Variants in ZNRF2 observed in about 807,000 individuals in gnomAD.
The protein encoded by ZNRF2 is E3 ubiquitin-protein ligase ZNRF2.
ZNRF2 carries 16 observed loss-of-function variants against 20.4 expected under a neutral mutation model. The ratio of observed to expected loss-of-function variants is 0.79; its 90% CI spans 0.53 to 1.19. ZNRF2 has a LOEUF of 1.19. Among genes scored for constraint, ZNRF2 ranks in the 50% most tolerant of loss-of-function variants. The probability of loss-of-function intolerance (pLI) is 0.00; values close to 1 mark genes in which losing one functional copy is unlikely to be tolerated. For synonymous variants in ZNRF2, 178 were observed against 144.9 expected, an observed-to-expected ratio of 1.23 and a Z score of -1.64; for missense variants, 363 against 332.4, an observed-to-expected ratio of 1.09 and a Z score of -0.72.
At position 30,285,347 on chromosome 7, in the gene ZNRF2, G is replaced by T. The variant is rs763204195; in HGVS notation, c.-11G>T. On this transcript the variant is annotated 5_prime_UTR_variant, in exon 1 of 5. Transcript: ENST00000323037. ...GCGCAGCGCGCGGGCCCGGCCCGGG[G>T]CAGGGCGGACATGGGCGCCAAACAG... 1 of 1,147,060 alleles carries T rather than the reference G, an allele frequency of 8.7e-7. No individual in the cohort carries two copies. The highest frequency in any genetic ancestry group is 2.4e-5 in the South Asian group (1 of 41,824). The allele number at this position is 1,147,060 out of a possible 1,614,324, so 71.1% of individuals were successfully genotyped here.
intron 1 of ZNRF2, among the ~76,000 whole-genome samples, chr7:30,322,397 CAT>C (rs1195073769): frequency 6.6e-6 from 1 of 152,164 alleles, no homozygotes; most frequent in Non-Finnish European, 1.5e-5. Context: ...TGTGAGAACA[CAT>C]GTGTTGGAAC....
intron 2 of ZNRF2, among the ~76,000 whole-genome samples, chr7:30,340,207 ACTTC>A (rs993306805): frequency 2.3e-4 from 35 of 152,112 alleles, no homozygotes; most frequent in African/African-American, 8.2e-4. Context: ...AGACAATTTG[ACTTC>A]CTCTCTCCCT....
In ZNRF2 at chr7:30,298,556, C is replaced by A. The variant is rs376334273; in HGVS notation, c.469+12730C>A. Among the ~76,000 whole-genome samples, 9 of 152,288 alleles carry A rather than the reference C, an allele frequency of 5.9e-5. No homozygotes were observed. In the East Asian group the frequency reaches 1.5e-3, roughly 26 times the overall value. ...ATACACAATCGTTTATGCTAGTGAT[C>A]TAGGAGCAGAGTGAGAAGAAGATTG... On this transcript the variant is annotated intron_variant, in intron 1 of 4. Coordinates refer to ENST00000323037, the MANE Select transcript of ZNRF2 (RefSeq NM_147128.4).
intron 2 of ZNRF2, among the ~76,000 whole-genome samples, chr7:30,354,266 G>A (rs1006016809): frequency 2.0e-5 from 3 of 152,128 alleles, no homozygotes; most frequent in African/African-American, 7.2e-5. Context: ...GTTTCTGACT[G>A]TAATATATTA....
intron 1 of ZNRF2, among the ~76,000 whole-genome samples, chr7:30,307,326 GTTT>G (rs78007797): frequency 0.067 from 2,947 of 43,722 alleles, 146 homozygotes; most frequent in African/African-American, 0.17. Flanking sequence ...GTTTTTTTTT[GTTT>G]TTTTTTTTTT....
At chr7:30,295,765 A>C (rs2128056327) in intron 1 of ZNRF2, among the ~76,000 whole-genome samples, 1 of 152,316 alleles carries the variant, frequency 6.6e-6, no homozygotes, top group Admixed American at 6.5e-5. Flanking sequence ...TAGTCCACAT[A>C]CTTCATATCT....
At chr7:30,295,628 T>C (rs966602914) in intron 1 of ZNRF2, among the ~76,000 whole-genome samples, 2 of 152,198 alleles carry the variant, frequency 1.3e-5, no homozygotes, top group Non-Finnish European at 2.9e-5. Flanking sequence ...GAGGATCGCT[T>C]GAACCCAGGA....
At chr7:30,330,909 T>G (rs559453118) in intron 2 of ZNRF2, among the ~76,000 whole-genome samples, 1 of 152,324 alleles carries the variant, frequency 6.6e-6, no homozygotes, top group South Asian at 2.1e-4. Context: ...TTCATTTATG[T>G]ACATTGGTGG....
At chr7:30,317,573 A>G (rs1257522412) in intron 1 of ZNRF2, among the ~76,000 whole-genome samples, 1 of 152,220 alleles carries the variant, frequency 6.6e-6, no homozygotes. Flanking sequence ...GCAACACCAA[A>G]TTTGTATTAG....
At position 30,285,046 on chromosome 7, in the gene ZNRF2, G is replaced by C; in HGVS notation, c.-312G>C. 1 of 406,742 alleles carries C rather than the reference G, an allele frequency of 2.5e-6. No individual in the cohort carries two copies. The highest frequency in any genetic ancestry group is 1.7e-5 in the South Asian group (1 of 59,956). 25.2% of individuals were successfully genotyped at this position (406,742 alleles called of 1,614,324 possible). On this transcript the variant is annotated 5_prime_UTR_variant, in exon 1 of 5. Transcript: ENST00000323037. ...GTGGCGCACCAGAACCGAAACCAGC[G>C]GCAGCCGCACGGCCACTTGAGCCGC...
chr7:30,337,283 T>C (rs952789912), intron 2 of ZNRF2, among the ~76,000 whole-genome samples: 3 of 152,200 alleles, frequency 2.0e-5, no homozygotes, highest in Non-Finnish European at 4.4e-5. Flanking sequence ...TTTTTTCTTA[T>C]GCTTGTTAGT....
intron 1 of ZNRF2, among the ~76,000 whole-genome samples, chr7:30,322,348 G>T (rs1021113852): frequency 7.2e-5 from 11 of 152,204 alleles, no homozygotes; most frequent in African/African-American, 2.4e-4. Context: ...TCATTTGGTT[G>T]CAGTGAGTTT....
intron 1 of ZNRF2, among the ~76,000 whole-genome samples, chr7:30,291,346 C>T (rs13311047): frequency 1.0e-3 from 154 of 152,308 alleles, no homozygotes; most frequent in African/African-American, 3.5e-3. Flanking sequence ...ACAATTAACA[C>T]TCGTAGTTTA....
At chr7:30,359,103 C>G (rs182226491) in intron 3 of ZNRF2, among the ~76,000 whole-genome samples, 1 of 152,162 alleles carries the variant, frequency 6.6e-6, no homozygotes, top group Admixed American at 6.5e-5. Flanking sequence ...ACAGTTGAGT[C>G]CTTATCTTGC....
intron 2 of ZNRF2, among the ~76,000 whole-genome samples, chr7:30,349,607 A>G (rs1297479566): frequency 6.6e-6 from 1 of 152,092 alleles, no homozygotes; most frequent in African/African-American, 2.4e-5. Context: ...ATTGCTACGT[A>G]TTACCCAGAT....
At position 30,293,958 on chromosome 7, in the gene ZNRF2, AAAG is replaced by A. The variant is rs200591943; in HGVS notation, c.469+8138_469+8140del. 2.4e-4 allele frequency among the ~76,000 whole-genome samples: 36 copies of A among 151,876 alleles called. No homozygotes were observed. The Middle Eastern group carries it at 0.01, about 43-fold the overall frequency. On this transcript the variant is annotated intron_variant, in intron 1 of 4. Coordinates refer to ENST00000323037, the MANE Select transcript of ZNRF2 (RefSeq NM_147128.4). ...CTATTTATATGTGAGCTGAGGAAAA[AAAG>A]AAGAATGAAGCCATGCATACATAAT...
chr7:30,290,447 A>G (rs1255504886), intron 1 of ZNRF2, among the ~76,000 whole-genome samples: 1 of 152,208 alleles, frequency 6.6e-6, no homozygotes, highest in African/African-American at 2.4e-5. Flanking sequence ...TAGTGACTCA[A>G]CTGGGGAAAG....
intron 2 of ZNRF2, among the ~76,000 whole-genome samples, chr7:30,353,312 T>C (rs2127955678): frequency 6.6e-6 from 1 of 152,250 alleles, no homozygotes; most frequent in African/African-American, 2.4e-5. Flanking sequence ...GATATTAGGC[T>C]GTTTCTGCAC....
At chr7:30,341,152 A>G (rs1205620783) in intron 2 of ZNRF2, among the ~76,000 whole-genome samples, 1 of 151,916 alleles carries the variant, frequency 6.6e-6, no homozygotes, top group South Asian at 2.1e-4. Context: ...CTAGGGGTCT[A>G]CCTATTTTGT....
Sources: gnomAD v4.1 joint callset for allele counts (sites outside exome capture counted in the v4.1 genomes callset) on GRCh38, gnomAD v4.1.1 for gene constraint, MANE v1.5 for transcripts, NCBI Gene and HGNC (gene_info 2026-07-23, HGNC 2026-07-21) for gene names.